CDH11: variants seen among roughly 807,000 people sequenced by gnomAD.
The protein encoded by CDH11 is cadherin-11.
CDH11 carries 11 observed loss-of-function variants against 67.8 expected under a neutral mutation model. The ratio of observed to expected loss-of-function variants is 0.16; its 90% CI spans 0.10 to 0.27. The LOEUF (loss-of-function observed/expected upper bound fraction) is 0.27. Ranked by LOEUF, CDH11 falls within the 10% of genes least tolerant of loss-of-function variation. The pLI, the probability that CDH11 is intolerant of heterozygous loss-of-function variation, is 1.00. For synonymous variants in CDH11, 419 were observed against 400.0 expected (o/e 1.05, Z -0.57); for missense variants, 847 against 1,031.2 (o/e 0.82, Z 2.45).
rs184737684 is a variant in CDH11, at chr16:65,081,168, A to C, written c.-297-27240T>G. Among the ~76,000 whole-genome samples the C allele has an allele frequency of 2.5e-3, 374 of 152,308 alleles. 3 individuals are homozygous for C. The highest frequency in any genetic ancestry group is 3.8e-3 in the Non-Finnish European group (261 of 68,028). ...TTCTCTTAAATACCTAAATTGATCT[A>C]TCAAATTACATGTTCTGAATATCAG... On this transcript the variant is annotated intron_variant, in intron 1 of 12. Coordinates refer to ENST00000268603, the MANE Select transcript of CDH11 (RefSeq NM_001797.4).
chr16:64,986,301 T>C lies in CDH11; in HGVS notation c.999+1856A>G, dbSNP rs548108507. Reference sequence around the variant, plus strand: ...TTAAAACCTAAGCATCAGTGCTTTATAGAAGATTATTCCTTTGCCTAGAAT... The same window carrying C: ...TTAAAACCTAAGCATCAGTGCTTTACAGAAGATTATTCCTTTGCCTAGAAT... On this transcript the variant is annotated intron_variant, in intron 7 of 12. Transcript: ENST00000268603. The C allele has an allele frequency of 4.6e-4, 70 of 152,246 alleles. 1 individual carries two copies. Among genetic ancestry groups the C allele is most frequent in the African/African-American group, 1.7e-3 (69 of 41,554 alleles). 9.4% of individuals were successfully genotyped at this position (152,246 alleles called of 1,614,324 possible).
intron 2 of CDH11, among the ~76,000 whole-genome samples, chr16:65,018,373 G>A (rs1300530847): frequency 6.6e-6 from 1 of 151,778 alleles, no homozygotes; most frequent in African/African-American, 2.4e-5. Flanking sequence ...TCAAAGCCTT[G>A]GAAAAATAAA....
chr16:65,049,687 C>T lies in CDH11; in HGVS notation c.-173+4117G>A, dbSNP rs935395171. Among the ~76,000 whole-genome samples, 8 of 152,244 alleles carry T rather than the reference C, an allele frequency of 5.3e-5. No homozygotes were observed. The South Asian group carries it at 1.2e-3, about 24-fold the overall frequency. ...AGGGACTGGATGTTCAGGTGACCTA[C>T]CACATAAGGGCTTCATGTAATCATT... On this transcript the variant is annotated intron_variant, in intron 2 of 12. Transcript: ENST00000268603.
At chr16:64,951,118 G>A in intron 11 of CDH11, 100 bp from the exon 12 acceptor site, 2 of 1,186,784 alleles carry the variant, frequency 1.7e-6, no homozygotes. Flanking sequence ...TTATCATAAA[G>A]GTTAACCGCC....
intron 8 of CDH11, 136 bp downstream of exon 8, chr16:64,981,912 T>A (rs1292230476): frequency 1.4e-6 from 1 of 732,368 alleles, no homozygotes; most frequent in Non-Finnish European, 2.2e-6. Context: ...TAAATCTTAA[T>A]CTTGTTTACA....
chr16:65,002,836 C>T (rs1409328073), intron 3 of CDH11, among the ~76,000 whole-genome samples: 4 of 152,200 alleles, frequency 2.6e-5, no homozygotes, highest in African/African-American at 7.2e-5. Context: ...GTCCTTGAAA[C>T]CTTCCTTTGA....
chr16:65,084,608 G>A (rs1423386789), intron 1 of CDH11, among the ~76,000 whole-genome samples: 2 of 152,198 alleles, frequency 1.3e-5, no homozygotes, highest in African/African-American at 4.8e-5. Context: ...TTTTTGTGCA[G>A]AGTGATGGCT....
Position 64,950,860 on chromosome 16 carries a change from G to A in CDH11, c.1801C>T (p.Leu601=). The A allele has an allele frequency of 1.2e-6, 2 of 1,614,230 alleles. No homozygotes were observed. Among genetic ancestry groups the A allele is most frequent in the South Asian group, 1.1e-5 (1 of 91,088 alleles). ...KVCGCDVNGA[L]LSCNAEAYIL... is the part of the protein sequence containing the mutation. ...TAGGCCTCTGCGTTGCAGGAGAGCAGTGCCCCGTTCACGTCGCACCCGCAG... is the reference window on the plus strand; with the variant it reads ...TAGGCCTCTGCGTTGCAGGAGAGCAATGCCCCGTTCACGTCGCACCCGCAG... Residue 601 remains leucine (L), a synonymous_variant, in exon 12 of 13, where the codon CTG becomes TTG. Transcript: ENST00000268603.
intron 1 of CDH11, among the ~76,000 whole-genome samples, chr16:65,072,835 T>C (rs1319591402): frequency 6.6e-6 from 1 of 152,228 alleles, no homozygotes; most frequent in Non-Finnish European, 1.5e-5. Context: ...TTAAACCAGC[T>C]ACTCAACCTC....
chr16:65,076,128 G>A (rs1437526498), intron 1 of CDH11, among the ~76,000 whole-genome samples: 2 of 152,108 alleles, frequency 1.3e-5, no homozygotes, highest in Non-Finnish European at 2.9e-5. Context: ...GCTCCCTTGA[G>A]GTGCAGTAAT....
chr16:64,991,008 G>A (rs146822159), intron 6 of CDH11, among the ~76,000 whole-genome samples: 6 of 152,204 alleles, frequency 3.9e-5, no homozygotes, highest in African/African-American at 1.4e-4. Flanking sequence ...TGAAAGGTGG[G>A]GTCTACATGA....
At chr16:65,014,065 C>A (rs1298947094) in intron 2 of CDH11, among the ~76,000 whole-genome samples, 1 of 152,140 alleles carries the variant, frequency 6.6e-6, no homozygotes, top group Admixed American at 6.5e-5. Flanking sequence ...GTTTATTCAA[C>A]AAGAATGCGT....
At chr16:65,021,573 T>C (rs199767745) in intron 2 of CDH11, among the ~76,000 whole-genome samples, 8,677 of 145,508 alleles carry the variant, frequency 0.06, 569 homozygotes, top group African/African-American at 0.17. Context: ...CACACACATA[T>C]ATATATATAT....
Position 64,947,286 on chromosome 16 carries a change from T to C in CDH11, c.*317A>G. Reference sequence around the variant, plus strand: ...AAAAGAAGAAAGACTTGGATGTTCATAACACATAAACAATTTCCCTTCATT... The same window carrying C: ...AAAAGAAGAAAGACTTGGATGTTCACAACACATAAACAATTTCCCTTCATT... On this transcript the variant is annotated 3_prime_UTR_variant, in exon 13 of 13. Transcript: ENST00000268603. 8.7e-7 allele frequency: 1 copy of C among 1,149,674 alleles called. No individual in the cohort carries two copies. Among genetic ancestry groups the C allele is most frequent in the Admixed American group, 4.4e-5 (1 of 22,906 alleles). The allele number at this position is 1,149,674 out of a possible 1,614,324, so 71.2% of individuals were successfully genotyped here.
intron 8 of CDH11, among the ~76,000 whole-genome samples, chr16:64,980,334 G>C (rs1031823145): frequency 6.6e-6 from 1 of 152,166 alleles, no homozygotes; most frequent in African/African-American, 2.4e-5. Flanking sequence ...GCCTAAACTA[G>C]ACAGACATCC....
chr16:65,046,477 C>G (rs1373012966), intron 2 of CDH11, among the ~76,000 whole-genome samples: 1 of 152,162 alleles, frequency 6.6e-6, no homozygotes, highest in Non-Finnish European at 1.5e-5. Context: ...ATGGGCATCT[C>G]AGGGAAACTG....
intron 2 of CDH11, among the ~76,000 whole-genome samples, chr16:65,032,870 C>G (rs926487391): frequency 6.6e-6 from 1 of 152,100 alleles, no homozygotes; most frequent in South Asian, 2.1e-4. Flanking sequence ...AGAGGTGAGA[C>G]CTAATCCTGA....
At chr16:65,045,329 G>GTATATATACATA (rs2073937460) in intron 2 of CDH11, among the ~76,000 whole-genome samples, 1 of 63,266 alleles carries the variant, frequency 1.6e-5, no homozygotes, top group Non-Finnish European at 3.3e-5. Flanking sequence ...TCCCTCAAAA[G>GTATATATACATA]TATATATATA....
chr16:64,961,198 G>C (rs974689195), intron 11 of CDH11, among the ~76,000 whole-genome samples: 1 of 152,140 alleles, frequency 6.6e-6, no homozygotes, highest in African/African-American at 2.4e-5. Context: ...ACTAACTAGA[G>C]AAGAAGCATC....
Sources: allele counts gnomAD v4.1 joint callset (sites outside exome capture counted in the v4.1 genomes callset), GRCh38; gene constraint gnomAD v4.1.1; transcripts MANE v1.5; gene names NCBI Gene and HGNC (gene_info 2026-07-23, HGNC 2026-07-21).